The following CHRNB4 variants were observed in gnomAD, a reference collection of about 807,000 sequenced individuals.
CHRNB4 encodes cholinergic receptor nicotinic beta 4 subunit, also known as neuronal acetylcholine receptor subunit beta-4.
In CHRNB4, 23 loss-of-function variants were observed where a neutral mutation model predicts 40.4. That is an observed-to-expected ratio of 0.57 (90% confidence interval 0.41 to 0.81). CHRNB4 has a LOEUF of 0.81. CHRNB4 is among the 30% of genes least tolerant of loss of function. The pLI is 0.00. For synonymous variants in CHRNB4, 285 were observed against 274.4 expected, an observed-to-expected ratio of 1.04 and a Z score of -0.38; for missense variants, 568 against 670.6, an observed-to-expected ratio of 0.85 and a Z score of 1.69.
chr15:78,634,534 C>G, intron 2 of CHRNB4: 1 of 330,640 alleles, frequency 3.0e-6, no homozygotes, highest in East Asian at 7.7e-5. Flanking sequence ...TTGGCCAAAG[C>G]CTTCCTGAGG....
chr15:78,654,456 G>A (rs2054196450), intron 5 of CHRNB4, among the ~76,000 whole-genome samples: 1 of 152,218 alleles, frequency 6.6e-6, no homozygotes, highest in Non-Finnish European at 1.5e-5. Context: ...AGGAGAGACT[G>A]CAGAGGTGAG....
At position 78,629,128 on chromosome 15, in the gene CHRNB4, CG is replaced by C. The variant is rs748598437; in HGVS notation, c.1176del (p.Ala393ProfsTer36). 2 of 1,613,938 alleles carry C rather than the reference CG, an allele frequency of 1.2e-6. No homozygotes were observed. The highest frequency in any genetic ancestry group is 1.7e-6 in the Non-Finnish European group (2 of 1,179,992). ...FYGNSMYFVN[P>X]ASAASKSPAG... ...GCTGGAGACTTGGAAGCTGCAGAGG[CG>C]GGGTTCACAAAGTACATGGAGTTCC... On this transcript the variant is annotated frameshift_variant, in exon 5 of 6. Coordinates refer to ENST00000261751, the MANE Select transcript of CHRNB4 (RefSeq NM_000750.5). LOFTEE classifies it high-confidence loss of function. The surrounding 1 kb of genome is among the most constrained non-coding windows in gnomAD (Gnocchi z 6.8).
At chr15:78,628,171 A>G (rs1431446875) in intron 5 of CHRNB4, 1 of 152,200 alleles carries the variant, frequency 6.6e-6, no homozygotes, top group Non-Finnish European at 1.5e-5. Context: ...CATCTCAAAT[A>G]AATAAATAAA....
upstream of CHRNB4, among the ~76,000 whole-genome samples, chr15:78,644,452 G>C (rs770657262): frequency 2.6e-4 from 40 of 151,892 alleles, no homozygotes; most frequent in Non-Finnish European, 5.4e-4. Flanking sequence ...GTCCCCTCCA[G>C]AGGAGCCAGC....
Position 78,629,722 on chromosome 15 carries a change from A to G in CHRNB4, c.583T>C (p.Phe195Leu). The change falls in exon 5 of 6, where the codon TTT (phenylalanine) becomes CTT (leucine). Residue 195 changes from phenylalanine (F) to leucine (L), a missense_variant. Physicochemically the swap from Phe to Leu is conservative, Grantham distance 22. Coordinates refer to ENST00000261751, the MANE Select transcript of CHRNB4 (RefSeq NM_000750.5). This position sits in a 1 kb window ranked among gnomAD's most constrained non-coding sequence, Gnocchi z 6.8. ...LMTPTASMDD[F>L]TPSGEWDIVA... ...ATGTCCCACTCACCACTGGGAGTAA[A>G]GTCATCCATGCTGGCTGTGGGCGTC... The G allele has an allele frequency of 6.2e-7, 1 of 1,614,116 alleles. No homozygotes were observed. The highest frequency in any genetic ancestry group is 8.5e-7 in the Non-Finnish European group (1 of 1,180,026).
chr15:78,638,717 G>A (rs1322479491), intron 1 of CHRNB4, among the ~76,000 whole-genome samples: 8 of 152,336 alleles, frequency 5.3e-5, no homozygotes, highest in African/African-American at 1.7e-4. Context: ...AAGGGGCGAC[G>A]GAGCCCAGCC....
At chr15:78,656,949 C>T (rs2054218886) in intron 3 of CHRNB4, among the ~76,000 whole-genome samples, 1 of 152,192 alleles carries the variant, frequency 6.6e-6, no homozygotes, top group South Asian at 2.1e-4. Flanking sequence ...GCCCTAAGTT[C>T]CAGGCATGTA....
rs759163204 is a variant in CHRNB4, at chr15:78,641,092, G to A, written c.42C>T (p.Ala14=). ...APSLVLFFLV[A]LCGRGNCRVA... ...AAAAGAACTCACCGCGCCCGCAAAG[G>A]GCGACCAGGAAGAAAAGGACCAGGG... is the stretch of plus-strand genomic sequence containing the variant. Residue 14 remains alanine (A), a synonymous_variant, in exon 1 of 6, where the codon GCC becomes GCT. Coordinates refer to ENST00000261751, the MANE Select transcript of CHRNB4 (RefSeq NM_000750.5). 7 of 1,582,082 alleles carry A rather than the reference G, an allele frequency of 4.4e-6. No homozygotes were observed. The East Asian group carries it at 1.6e-4, about 36-fold the overall frequency.
upstream of CHRNB4, chr15:78,660,803 T>TC (rs2054246006): frequency 3.5e-6 from 1 of 283,036 alleles, no homozygotes; most frequent in South Asian, 4.1e-5. Context: ...GTCAGGCTTG[T>TC]CCCAAGAGAG....
In CHRNB4 at chr15:78,629,463, A is replaced by G; in HGVS notation, c.842T>C (p.Ile281Thr). Reference protein sequence around the residue: ...LLALTFFLLLISKIVPPTSLD... With the variant: ...LLALTFFLLLTSKIVPPTSLD... ...GGAGGTGGGTGGCACGATCTTGGAG[A>G]TGAGCAGCAGGAAGAATGTCAGTGC... Residue 281 changes from isoleucine (I) to threonine (T), a missense_variant, in exon 5 of 6, where the codon ATC becomes ACC. By Grantham distance (89) the Ile-to-Thr change is moderately conservative. This residue lies in a region of CHRNB4 where 38 missense variants were observed against 80.3 expected (regional missense o/e 0.47). Transcript: ENST00000261751. This position sits in a 1 kb window ranked among gnomAD's most constrained non-coding sequence, Gnocchi z 6.8. 1 of 1,614,100 alleles carries G rather than the reference A, an allele frequency of 6.2e-7. No individual in the cohort carries two copies. The highest frequency in any genetic ancestry group is 1.6e-4 in the Middle Eastern group (1 of 6,062).
intron 1 of CHRNB4, among the ~76,000 whole-genome samples, chr15:78,636,824 T>C (rs1160026741): frequency 6.6e-6 from 1 of 152,176 alleles, no homozygotes; most frequent in African/African-American, 2.4e-5. Context: ...TATCTGAGGG[T>C]CTATCTTGTG....
intron 1 of CHRNB4, among the ~76,000 whole-genome samples, chr15:78,640,356 G>A (rs552877530): frequency 3.0e-4 from 45 of 152,212 alleles, no homozygotes; most frequent in Non-Finnish European, 6.2e-4. Flanking sequence ...GAGAAGGGCT[G>A]GGTCTCCTTC....
intron 7 of CHRNB4, among the ~76,000 whole-genome samples, chr15:78,647,152 T>C (rs1465806267): frequency 1.3e-5 from 2 of 152,034 alleles, no homozygotes; most frequent in African/African-American, 4.8e-5. Context: ...GAAAAAAATA[T>C]TAAAAGCATA....
chr15:78,638,580 C>T (rs1031439284), intron 1 of CHRNB4, among the ~76,000 whole-genome samples: 3 of 152,144 alleles, frequency 2.0e-5, no homozygotes, highest in African/African-American at 7.2e-5. Context: ...GCAGTGTGTG[C>T]CCATGACTGC....
chr15:78,633,092 C>T (rs990960684), intron 2 of CHRNB4, among the ~76,000 whole-genome samples: 3 of 152,200 alleles, frequency 2.0e-5, no homozygotes, highest in African/African-American at 7.2e-5. Flanking sequence ...TTCTGTCCTC[C>T]AGCCCCCTGG....
chr15:78,645,736 A>G (rs1012497264), upstream of CHRNB4, among the ~76,000 whole-genome samples: 1 of 152,112 alleles, frequency 6.6e-6, no homozygotes, highest in African/African-American at 2.4e-5. Flanking sequence ...TCCTTCAAGC[A>G]GAACCCAAAT....
At chr15:78,638,627 C>CA (rs1270448597) in intron 1 of CHRNB4, among the ~76,000 whole-genome samples, 1 of 73,402 alleles carries the variant, frequency 1.4e-5, no homozygotes, top group African/African-American at 3.9e-5. Context: ...GGCCGGGGGG[C>CA]CGGGGGGGTG....
chr15:78,657,652 C>T (rs1596126923), intron 2 of CHRNB4, among the ~76,000 whole-genome samples: 2 of 111,868 alleles, frequency 1.8e-5, no homozygotes, highest in South Asian at 1.0e-3. Context: ...CTCCCGGGTT[C>T]ACGCCATTCT....
upstream of CHRNB4, among the ~76,000 whole-genome samples, chr15:78,641,678 C>CA (rs1384083924): frequency 1.3e-5 from 2 of 152,184 alleles, no homozygotes; most frequent in East Asian, 3.9e-4. Context: ...GCAGGGAGGA[C>CA]ACTTAGGAAA....
Sources: allele counts gnomAD v4.1 joint callset (sites outside exome capture counted in the v4.1 genomes callset), GRCh38; gene constraint gnomAD v4.1.1; regional missense constraint gnomAD v4.1.1; non-coding constraint Gnocchi (gnomAD v3.1); transcripts MANE v1.5; gene names NCBI Gene and HGNC (gene_info 2026-07-23, HGNC 2026-07-21).